The following BACH2 variants were observed in gnomAD, a reference collection of about 807,000 sequenced individuals.
BACH2 encodes transcription regulator protein BACH2.
A neutral mutation model predicts 61.8 loss-of-function variants in BACH2; 5 were observed. The observed-to-expected ratio is 0.08, with a 90% CI of 0.04 to 0.17. BACH2 has a LOEUF of 0.17. Among genes scored for constraint, BACH2 ranks in the 10% least tolerant of loss-of-function variants. The pLI is 1.00. For synonymous variants in BACH2, 446 were observed against 440.1 expected, an observed-to-expected ratio of 1.01 and a Z score of -0.17; for missense variants, 824 against 1,091.1, an observed-to-expected ratio of 0.76 and a Z score of 3.45.
At chr6:89,995,603 T>C (rs1348211946) in intron 6 of BACH2, among the ~76,000 whole-genome samples, 2 of 152,186 alleles carry the variant, frequency 1.3e-5, no homozygotes, top group African/African-American at 4.8e-5. Context: ...TTTCCGCATG[T>C]GTTGTTTTGG....
At chr6:90,180,863 A>G (rs1455002054) in intron 4 of BACH2, among the ~76,000 whole-genome samples, 2 of 114,790 alleles carry the variant, frequency 1.7e-5, no homozygotes, top group East Asian at 4.7e-4. Flanking sequence ...TGTGTATTAC[A>G]CACACACACA....
chr6:90,091,160 T>C (rs1782142854), intron 4 of BACH2, among the ~76,000 whole-genome samples: 1 of 152,218 alleles, frequency 6.6e-6, no homozygotes. Context: ...GTCTCATTAC[T>C]ATGTTGACTC....
At chr6:89,941,125 T>G (rs1773403620) in intron 7 of BACH2, among the ~76,000 whole-genome samples, 1 of 152,194 alleles carries the variant, frequency 6.6e-6, no homozygotes, top group Non-Finnish European at 1.5e-5. Flanking sequence ...GGGTTAAGTC[T>G]GTGTTCTTCA....
intron 1 of BACH2, among the ~76,000 whole-genome samples, chr6:90,290,923 G>C (rs1772158107): frequency 6.6e-6 from 1 of 152,162 alleles, no homozygotes; most frequent in Non-Finnish European, 1.5e-5. Context: ...GAGATGAATG[G>C]GAGGACTGGA....
At chr6:89,941,325 G>C (rs1259839167) in intron 7 of BACH2, among the ~76,000 whole-genome samples, 1 of 152,184 alleles carries the variant, frequency 6.6e-6, no homozygotes, top group Non-Finnish European at 1.5e-5. Context: ...TTCCATCACA[G>C]CTCCGAGCTT....
At chr6:89,972,916 C>T (rs1157221145) in intron 6 of BACH2, among the ~76,000 whole-genome samples, 5 of 151,988 alleles carry the variant, frequency 3.3e-5, no homozygotes, top group East Asian at 1.9e-4. Context: ...TGGTGAAACC[C>T]GTCTCTACTA....
At chr6:90,175,093 A>C (rs924120574) in intron 4 of BACH2, among the ~76,000 whole-genome samples, 3 of 152,066 alleles carry the variant, frequency 2.0e-5, no homozygotes, top group African/African-American at 7.2e-5. Context: ...AAGTGTATCT[A>C]CATGTTATAT....
chr6:90,013,339 C>A (rs1777825682), intron 5 of BACH2, among the ~76,000 whole-genome samples: 1 of 152,012 alleles, frequency 6.6e-6, no homozygotes, highest in African/African-American at 2.4e-5. Flanking sequence ...CCTTGCTTTC[C>A]TGATGTTAGG....
At chr6:90,060,251 A>G (rs1442557346) in intron 5 of BACH2, among the ~76,000 whole-genome samples, 2 of 152,088 alleles carry the variant, frequency 1.3e-5, no homozygotes, top group Non-Finnish European at 2.9e-5. Context: ...TCCATTCTGC[A>G]TATTTTTGTT....
chr6:89,943,231 T>C (rs9362704), intron 7 of BACH2, among the ~76,000 whole-genome samples: 74,443 of 151,686 alleles, frequency 0.49, 18,534 homozygotes, highest in Middle Eastern at 0.58. Flanking sequence ...CCTTGCATGC[T>C]GTCTGCACCA....
intron 4 of BACH2, among the ~76,000 whole-genome samples, chr6:90,106,780 T>G (rs557944077): frequency 6.6e-6 from 1 of 152,336 alleles, no homozygotes; most frequent in Non-Finnish European, 1.5e-5. Flanking sequence ...AAAATTATTA[T>G]GTACCACATC....
chr6:90,060,065 T>G (rs972125140), intron 5 of BACH2, among the ~76,000 whole-genome samples: 3 of 151,420 alleles, frequency 2.0e-5, no homozygotes, highest in Admixed American at 6.6e-5. Context: ...ACATGGCACA[T>G]GTATACGTAT....
chr6:90,282,088 T>C (rs569885051), intron 1 of BACH2, among the ~76,000 whole-genome samples: 1 of 152,354 alleles, frequency 6.6e-6, no homozygotes, highest in East Asian at 1.9e-4. Flanking sequence ...GATTCAATGT[T>C]GATGGGCATT....
chr6:90,031,799 A>G (rs1208454203), intron 5 of BACH2, among the ~76,000 whole-genome samples: 6 of 152,232 alleles, frequency 3.9e-5, no homozygotes, highest in Non-Finnish European at 4.4e-5. Context: ...TTATAGATTC[A>G]GTGCCATCCC....
intron 1 of BACH2, among the ~76,000 whole-genome samples, chr6:90,274,599 T>C (rs1239525514): frequency 6.6e-6 from 1 of 152,146 alleles, no homozygotes; most frequent in Non-Finnish European, 1.5e-5. Context: ...TGTAGCAGCC[T>C]CAGAGGAAGC....
intron 4 of BACH2, among the ~76,000 whole-genome samples, chr6:90,166,056 A>C (rs1767604002): frequency 6.6e-6 from 1 of 152,062 alleles, no homozygotes; most frequent in East Asian, 1.9e-4. Flanking sequence ...AAAATTGACA[A>C]ATGGGATCTA....
intron 4 of BACH2, among the ~76,000 whole-genome samples, chr6:90,099,145 C>T (rs1157902296): frequency 6.6e-6 from 1 of 152,028 alleles, no homozygotes; most frequent in Non-Finnish European, 1.5e-5. Context: ...GCCTTCATAC[C>T]TTTGTTCTTG....
chr6:90,015,724 G>A, intron 5 of BACH2, among the ~76,000 whole-genome samples: 1 of 152,158 alleles, frequency 6.6e-6, no homozygotes, highest in Non-Finnish European at 1.5e-5. Flanking sequence ...ATAAGCACTT[G>A]AAATGTATAT....
intron 3 of BACH2, among the ~76,000 whole-genome samples, chr6:90,220,480 T>C (rs1769702940): frequency 6.6e-6 from 1 of 152,248 alleles, no homozygotes; most frequent in Admixed American, 6.5e-5. Flanking sequence ...AGGGGAGGAC[T>C]GTTTATTCAG....
Sources: gnomAD v4.1 joint callset for allele counts (sites outside exome capture counted in the v4.1 genomes callset) on GRCh38, gnomAD v4.1.1 for gene constraint, MANE v1.5 for transcripts, NCBI Gene and HGNC (gene_info 2026-07-23, HGNC 2026-07-21) for gene names.